Variants in PCDHGA6 observed in about 807,000 individuals in gnomAD.
PCDHGA6 encodes protocadherin gamma-A6.
In PCDHGA6, 41 loss-of-function variants were observed where a neutral mutation model predicts 60.6. The observed-to-expected ratio is 0.68, with a 90% confidence interval of 0.53 to 0.88. The LOEUF (loss-of-function observed/expected upper bound fraction) is 0.88. Ranked by LOEUF, PCDHGA6 falls within the 40% of genes least tolerant of loss-of-function variation. The pLI, the probability that PCDHGA6 is intolerant of heterozygous loss-of-function variation, is 0.00. For missense variants in PCDHGA6, 1,312 were observed against 1,203.0 expected (o/e 1.09, Z -1.34); for synonymous variants, 594 against 524.4 (o/e 1.13, Z -1.81).
At chr5:141,441,911 T>TGAG in intron 1 of PCDHGA6, 1 of 348,148 alleles carries the variant, frequency 2.9e-6, no homozygotes, top group Non-Finnish European at 5.5e-6. Context: ...GACGCAGATG[T>TGAG]GAGACACAAT....
At chr5:141,430,715 A>T in intron 1 of PCDHGA6, 1 of 1,483,384 alleles carries the variant, frequency 6.7e-7, no homozygotes, top group Non-Finnish European at 8.9e-7. Context: ...TCCTGACTTC[A>T]GTGGTTAAGG....
At chr5:141,484,707 G>C (rs1288663675) in intron 1 of PCDHGA6, among the ~76,000 whole-genome samples, 1 of 151,802 alleles carries the variant, frequency 6.6e-6, no homozygotes. Flanking sequence ...TGTTTTCCCC[G>C]CCGAAAAGGG....
chr5:141,464,263 TAAA>T (rs35224477), intron 1 of PCDHGA6, among the ~76,000 whole-genome samples: 2 of 103,604 alleles, frequency 1.9e-5, no homozygotes, highest in Non-Finnish European at 1.9e-5. Flanking sequence ...AGACTCCGTC[TAAA>T]AAAAAAAAAA....
Position 141,408,609 on chromosome 5 carries a change from A to T in PCDHGA6, c.2424+32102A>T, listed in dbSNP as rs765291231. 3 of 1,613,970 alleles carry T rather than the reference A, an allele frequency of 1.9e-6. No homozygotes were observed. The highest frequency in any genetic ancestry group is 2.5e-6 in the Non-Finnish European group (3 of 1,179,916). On this transcript the variant is annotated intron_variant, in intron 1 of 3. Coordinates refer to ENST00000517434, the MANE Select transcript of PCDHGA6 (RefSeq NM_018919.3). ...GACCACGCCCCTCAATTTGATAAAA[A>T]GGAAATACATTTAGAAATTTTCGAA...
rs188338684 is a variant in PCDHGA6, at chr5:141,431,953, C to T, written c.2424+55446C>T. ...TGCCCTTTAAATTAGAAAAATCTTA[C>T]GGAAATTACTATAGTTTAGTCACAG... On this transcript the variant is annotated intron_variant, in intron 1 of 3. Transcript: ENST00000517434. The surrounding 1 kb of genome is among the most constrained non-coding windows in gnomAD (Gnocchi z 4.8). 2.4e-5 allele frequency: 38 copies of T among 1,614,082 alleles called. No homozygotes were observed. In the East Asian group the frequency reaches 7.6e-4, roughly 32 times the overall value.
At position 141,432,015 on chromosome 5, in the gene PCDHGA6, A is replaced by G. The variant is rs745405194; in HGVS notation, c.2424+55508A>G. 6.2e-7 allele frequency: 1 copy of G among 1,614,196 alleles called. No individual in the cohort carries two copies. Among genetic ancestry groups the G allele is most frequent in the Admixed American group, 1.7e-5 (1 of 60,032 alleles). On this transcript the variant is annotated intron_variant, in intron 1 of 3. Coordinates refer to ENST00000517434, the MANE Select transcript of PCDHGA6 (RefSeq NM_018919.3). The surrounding 1 kb of genome is among the most constrained non-coding windows in gnomAD (Gnocchi z 6.0). ...GATAGGGAACAGGTTCCTAGCTACA[A>G]CATCACAGTGACCGCCACTGACCGG...
chr5:141,374,556 A>G lies in PCDHGA6; in HGVS notation c.473A>G (p.Tyr158Cys). The change falls in exon 1 of 4, where the codon TAT becomes TGT. Residue 158 changes from tyrosine to cysteine, a missense_variant. Physicochemically the swap from Tyr to Cys is radical, Grantham distance 194. Coordinates refer to ENST00000517434, the MANE Select transcript of PCDHGA6 (RefSeq NM_018919.3). ...PSSRFPLMEV[Y>C]DPDVGMNSLQ... ...TCTCGTTTTCCACTAATGGAGGTCT[A>G]TGACCCTGATGTGGGAATGAACTCC... 3 of 1,613,690 alleles carry G rather than the reference A, an allele frequency of 1.9e-6. No homozygotes were observed. The highest frequency in any genetic ancestry group is 1.7e-6 in the Non-Finnish European group (2 of 1,179,678).
intron 1 of PCDHGA6, chr5:141,410,849 C>CTTTTTTTTTTTTTTTTTTGTTTTTTTT (rs2095435748): frequency 1.5e-5 from 2 of 129,786 alleles, no homozygotes; most frequent in Non-Finnish European, 2.6e-5. Context: ...TTGTCTTTGT[C>CTTTTTTTTTTTTTTTTTTGTTTTTTTT]TTTTTTTTTT....
Position 141,447,676 on chromosome 5 carries a change from C to T in PCDHGA6, c.2425-47131C>T, listed in dbSNP as rs1466767844. Among the ~76,000 whole-genome samples the T allele has an allele frequency of 2.6e-5, 4 of 152,104 alleles. No individual in the cohort carries two copies. The East Asian group carries it at 7.7e-4, about 29-fold the overall frequency. On this transcript the variant is annotated intron_variant, in intron 1 of 3. Coordinates refer to ENST00000517434, the MANE Select transcript of PCDHGA6 (RefSeq NM_018919.3). The stretch of plus-strand genomic sequence containing the variant: ...CCCCCCCAGGAAGTTAGAACTGTTC[C>T]ATATCTTGATAGAGGGATGGGTTAT...
chr5:141,410,269 G>A, intron 1 of PCDHGA6: 1 of 1,614,060 alleles, frequency 6.2e-7, no homozygotes, highest in Non-Finnish European at 8.5e-7. Flanking sequence ...CTGAACTGCA[G>A]TTTTACCTGG....
In PCDHGA6 at chr5:141,418,490, G is replaced by A. The variant is rs1473964718; in HGVS notation, c.2424+41983G>A. On this transcript the variant is annotated intron_variant, in intron 1 of 3. Coordinates refer to ENST00000517434, the MANE Select transcript of PCDHGA6 (RefSeq NM_018919.3). Reference sequence around the variant, plus strand: ...AGAAACGCAGAGCGCTCACCACTTGGTACTGACCGCCTTAGATGGTGGGGA... The same window carrying A: ...AGAAACGCAGAGCGCTCACCACTTGATACTGACCGCCTTAGATGGTGGGGA... 5.6e-6 allele frequency: 9 copies of A among 1,613,996 alleles called. No homozygotes were observed. In the East Asian group the frequency reaches 1.6e-4, roughly 28 times the overall value.
chr5:141,383,198 C>A, intron 1 of PCDHGA6: 1 of 1,614,016 alleles, frequency 6.2e-7, no homozygotes, highest in Non-Finnish European at 8.5e-7. Flanking sequence ...GCTCAGAGTG[C>A]GCGGTGTCTG....
intron 1 of PCDHGA6, among the ~76,000 whole-genome samples, chr5:141,436,389 TTAAA>T (rs1385837876): frequency 6.6e-6 from 1 of 152,212 alleles, no homozygotes; most frequent in Non-Finnish European, 1.5e-5. Context: ...ATAGGCTTTA[TTAAA>T]TAGTTGTTGA....
chr5:141,383,440 G>C, intron 1 of PCDHGA6: 1 of 1,613,950 alleles, frequency 6.2e-7, no homozygotes, highest in African/African-American at 1.3e-5. Flanking sequence ...CTTCTCCCTG[G>C]CTGTGCAAAG....
chr5:141,496,126 C>T (rs934132550), intron 2 of PCDHGA6, among the ~76,000 whole-genome samples: 2 of 152,062 alleles, frequency 1.3e-5, no homozygotes, highest in African/African-American at 4.8e-5. Context: ...CCCTGCCCCT[C>T]ACACACTGAG....
intron 1 of PCDHGA6, among the ~76,000 whole-genome samples, chr5:141,461,165 TG>T (rs2099010296): frequency 6.6e-6 from 1 of 152,146 alleles, no homozygotes; most frequent in South Asian, 2.1e-4. Flanking sequence ...ATAGTGGGAT[TG>T]CTGGATTGAA....
chr5:141,415,355 G>A (rs1200011688), intron 1 of PCDHGA6: 2 of 1,614,210 alleles, frequency 1.2e-6, no homozygotes, highest in Non-Finnish European at 1.7e-6. Context: ...CACAAGTCAC[G>A]CCTGCTGCAG....
chr5:141,401,408 A>T (rs943963302), intron 1 of PCDHGA6, among the ~76,000 whole-genome samples: 9 of 152,200 alleles, frequency 5.9e-5, no homozygotes, highest in African/African-American at 1.7e-4. Context: ...TATGAGAGAG[A>T]AAGAGAGAGA....
In PCDHGA6 at chr5:141,405,117, C is replaced by T. The variant is rs200108286; in HGVS notation, c.2424+28610C>T. On this transcript the variant is annotated intron_variant, in intron 1 of 3. Transcript: ENST00000517434. The stretch of plus-strand genomic sequence containing the variant: ...CTCAGGCTGAGGCACTGGCACTCCT[C>T]GCATCTGCTGCGGGCTACCAGTGAT... The T allele has an allele frequency of 5.6e-5, 90 of 1,613,980 alleles. No individual in the cohort carries two copies. In the East Asian group the frequency reaches 9.6e-4, roughly 17 times the overall value.
Sources: allele counts gnomAD v4.1 joint callset (sites outside exome capture counted in the v4.1 genomes callset), GRCh38; gene constraint gnomAD v4.1.1; non-coding constraint Gnocchi (gnomAD v3.1); transcripts MANE v1.5; gene names NCBI Gene and HGNC (gene_info 2026-07-23, HGNC 2026-07-21).